The following PIEZO1 variants were observed in gnomAD, a reference collection of about 807,000 sequenced individuals.
The protein encoded by PIEZO1 is piezo-type mechanosensitive ion channel component 1.
Under a neutral mutation model 297.2 loss-of-function variants are expected in PIEZO1, and 296 were observed. The ratio of observed to expected loss-of-function variants is 1.00; its 90% CI spans 0.91 to 1.10. The LOEUF is 1.10. Ranked by LOEUF, PIEZO1 falls within the 50% of genes least tolerant of loss-of-function variation. The probability of loss-of-function intolerance (pLI) is 0.00; values close to 1 mark genes in which losing one functional copy is unlikely to be tolerated. For synonymous variants in PIEZO1, 2,427 were observed against 1,507.5 expected (o/e 1.61, Z -14.13); for missense variants, 5,018 against 3,455.5 (o/e 1.45, Z -11.34).
chr16:88,717,067 G>C lies in PIEZO1; in HGVS notation c.6616C>G (p.Gln2206Glu). 1 of 1,550,970 alleles carries C rather than the reference G, an allele frequency of 6.4e-7. No individual in the cohort carries two copies. The highest frequency in any genetic ancestry group is 8.7e-7 in the Non-Finnish European group (1 of 1,147,064). ...AGGGTGACGGTGACATCGATGGGCT[G>C]GTTGACAACCCCAACCACGGAGCGC... ...LVRSVVGVVN[Q>E]PIDVTVTLKL... Residue 2206 changes from glutamine (Q) to glutamate (E), a missense_variant, in exon 45 of 51, where the codon CAG becomes GAG. Coordinates refer to ENST00000301015, the MANE Select transcript of PIEZO1 (RefSeq NM_001142864.4).
In PIEZO1 at chr16:88,719,685, T is replaced by C. The variant is rs959284510; in HGVS notation, c.6360A>G (p.Ala2120=). Residue 2120 remains alanine, a synonymous_variant, in exon 44 of 51, where the codon GCA becomes GCG. Coordinates refer to ENST00000301015, the MANE Select transcript of PIEZO1 (RefSeq NM_001142864.4). ...RLVPFLVELR[A]VMDWVWTDTT... is the part of the protein sequence containing the mutation. Reference sequence around the variant, plus strand: ...TGTCCGTCCACACCCAGTCCATCACTGCCCGCAGCTCCACCAGGAACGGCA... The same window carrying C: ...TGTCCGTCCACACCCAGTCCATCACCGCCCGCAGCTCCACCAGGAACGGCA... 1.4e-5 allele frequency: 22 copies of C among 1,552,510 alleles called. No individual in the cohort carries two copies. The highest frequency in any genetic ancestry group is 1.9e-5 in the Admixed American group (1 of 51,314).
At chr16:88,765,100 C>G (rs1446572203) in intron 1 of PIEZO1, among the ~76,000 whole-genome samples, 1 of 152,228 alleles carries the variant, frequency 6.6e-6, no homozygotes, top group Admixed American at 6.5e-5. Flanking sequence ...TGTGATTTAC[C>G]CAGCGGCACC....
rs930392802 is a variant in PIEZO1, at chr16:88,725,152, G to A, written c.4163-72C>T. On this transcript the variant is annotated intron_variant, in intron 29 of 50. Coordinates refer to ENST00000301015, the MANE Select transcript of PIEZO1 (RefSeq NM_001142864.4). ...AGGGGTCGGGGCTGTGAGTGCTCCC[G>A]TCTTGGAGACAGGATAGGTGGAGAC... 56 of 1,080,992 alleles carry A rather than the reference G, an allele frequency of 5.2e-5. 1 individual carries two copies. The highest frequency in any genetic ancestry group is 4.3e-4 in the South Asian group (28 of 64,804). The allele number at this position is 1,080,992 out of a possible 1,614,324, so 67.0% of individuals were successfully genotyped here. A position where few individuals can be genotyped will look rare whatever the true frequency, so the allele number is the denominator to read the frequency against.
intron 1 of PIEZO1, among the ~76,000 whole-genome samples, chr16:88,755,368 C>T (rs1906602008): frequency 6.6e-6 from 1 of 152,188 alleles, no homozygotes; most frequent in South Asian, 2.1e-4. Context: ...CTGGCATTCA[C>T]GTGCAGGAAA....
chr16:88,774,951 T>C (rs577570144), intron 1 of PIEZO1, among the ~76,000 whole-genome samples: 17 of 152,162 alleles, frequency 1.1e-4, no homozygotes, highest in African/African-American at 3.6e-4. Context: ...GGCGCAAAGA[T>C]AGTGGCTATG....
At chr16:88,773,813 G>T (rs926757410) in intron 1 of PIEZO1, among the ~76,000 whole-genome samples, 2 of 152,066 alleles carry the variant, frequency 1.3e-5, no homozygotes, top group Non-Finnish European at 2.9e-5. Flanking sequence ...CTCCTGGGTG[G>T]TCTTAGGAAG....
Position 88,720,720 on chromosome 16 carries a change from C to T in PIEZO1, c.5697G>A (p.Gly1899=), listed in dbSNP as rs1245004069. ...IEAEDREEEE[G]EEEKEAPTGR... ...CCGTGGGGGCCTCTTTCTCTTCCTC[C>T]CCCTCTTCTTCCTCCCTGTCCTCAG... The change falls in exon 40 of 51, where the codon GGG becomes GGA. Residue 1899 remains glycine, a synonymous_variant. Coordinates refer to ENST00000301015, the MANE Select transcript of PIEZO1 (RefSeq NM_001142864.4). The T allele has an allele frequency of 1.3e-6, 2 of 1,527,024 alleles. No individual in the cohort carries two copies. The highest frequency in any genetic ancestry group is 1.8e-6 in the Non-Finnish European group (2 of 1,137,026). The allele number at this position is 1,527,024 out of a possible 1,614,324, so 94.6% of individuals were successfully genotyped here. A position where few individuals can be genotyped will look rare whatever the true frequency, so the allele number is the denominator to read the frequency against.
rs1443450728 is a variant in PIEZO1, at chr16:88,721,711, TGAC to T, written c.5227_5229del (p.Val1743del). On this transcript the variant is annotated inframe_deletion, in exon 38 of 51. Transcript: ENST00000301015. ...AAGAACCCAAACTGGAACAGGTACT[TGAC>T]GACCACCGCGATCTGTGGGGGAGGG... 124 of 1,544,612 alleles carry T rather than the reference TGAC, an allele frequency of 8.0e-5. No homozygotes were observed. Among genetic ancestry groups the T allele is most frequent in the African/African-American group, 1.2e-4 (9 of 72,866 alleles).
At position 88,738,055 on chromosome 16, in the gene PIEZO1, TG is replaced by T. The variant is rs1317312583; in HGVS notation, c.898del (p.His300ThrfsTer56). On this transcript the variant is annotated frameshift_variant, in exon 8 of 51. Coordinates refer to ENST00000301015, the MANE Select transcript of PIEZO1 (RefSeq NM_001142864.4). LOFTEE classifies it high-confidence loss of function. ...CAGGCCGGTGTTGAGGACCAGCGCG[TG>T]GGGGCTGGAGCAGTTGGTGGGACCC... Reference protein sequence around the residue: ...FVGPTNCSSPHALVLNTGLDW... With the variant: ...FVGPTNCSSPXALVLNTGLDW... 3.3e-6 allele frequency: 5 copies of T among 1,535,676 alleles called. No individual in the cohort carries two copies. Among genetic ancestry groups the T allele is most frequent in the Non-Finnish European group, 4.4e-6 (5 of 1,146,788 alleles).
intron 1 of PIEZO1, among the ~76,000 whole-genome samples, chr16:88,755,032 A>G (rs1444947786): frequency 6.6e-6 from 1 of 152,200 alleles, no homozygotes; most frequent in African/African-American, 2.4e-5. Context: ...GGGTGGACAC[A>G]CCTGCGGCCA....
rs145613283 is a variant in PIEZO1, at chr16:88,723,110, C to T, written c.4480G>A (p.Glu1494Lys). The T allele has an allele frequency of 1.0e-5, 16 of 1,548,502 alleles. No individual in the cohort carries two copies. The highest frequency in any genetic ancestry group is 2.4e-5 in the South Asian group (2 of 84,046). ...GCCCACGTACCTGCCGCTGCCTCCT[C>T]GGGGCCCTCTGCTGGCTCCACCTCC... ...SQEVEPAEGPEEAAAGRSHVV... is the reference protein window; with the variant it reads ...SQEVEPAEGPKEAAAGRSHVV... Residue 1494 changes from glutamate (E) to lysine (K), a missense_variant, in exon 33 of 51, where the codon GAG becomes AAG. Glu to Lys is a moderately conservative substitution (Grantham distance 56). Transcript: ENST00000301015.
chr16:88,716,815 G>A lies in PIEZO1; in HGVS notation c.6744C>T (p.Asp2248=), dbSNP rs1567657066. The A allele has an allele frequency of 1.3e-6, 2 of 1,550,062 alleles. No homozygotes were observed. The highest frequency in any genetic ancestry group is 4.9e-5 in the East Asian group (2 of 40,926). Reference sequence around the variant, plus strand: ...GGCAGAGGCCACTTACCGGCTGGGGGTCAAACTGCCGGGACAGCTCCTCAT... The same window carrying A: ...GGCAGAGGCCACTTACCGGCTGGGGATCAAACTGCCGGGACAGCTCCTCAT... ...QAYEELSRQF[D]PQPLAMQFIS... is the part of the protein sequence containing the mutation. The change falls in exon 46 of 51, where the codon GAC becomes GAT. Residue 2248 remains aspartate, a synonymous_variant. Coordinates refer to ENST00000301015, the MANE Select transcript of PIEZO1 (RefSeq NM_001142864.4).
At chr16:88,759,267 G>T (rs148394532) in intron 1 of PIEZO1, among the ~76,000 whole-genome samples, 5 of 152,342 alleles carry the variant, frequency 3.3e-5, no homozygotes, top group African/African-American at 1.2e-4. Context: ...TCCTGGCCGG[G>T]GCAGGCACCT....
At chr16:88,774,973 C>T (rs1040423429) in intron 1 of PIEZO1, among the ~76,000 whole-genome samples, 3 of 152,188 alleles carry the variant, frequency 2.0e-5, no homozygotes, top group African/African-American at 4.8e-5. Context: ...AACGACAGGG[C>T]GGTGCTGGGA....
At position 88,721,181 on chromosome 16, in the gene PIEZO1, C is replaced by T. The variant is rs1226256570; in HGVS notation, c.5653G>A (p.Gly1885Arg). 9 of 1,509,690 alleles carry T rather than the reference C, an allele frequency of 6.0e-6. No individual in the cohort carries two copies. Among genetic ancestry groups the T allele is most frequent in the Admixed American group, 2.1e-5 (1 of 47,936 alleles). The allele number at this position is 1,509,690 out of a possible 1,614,324, so 93.5% of individuals were successfully genotyped here. The change falls in exon 39 of 51, where the codon GGA becomes AGA. Residue 1885 changes from glycine (G) to arginine (R), a missense_variant. Gly to Arg is a moderately radical substitution (Grantham distance 125, BLOSUM62 -2). Transcript: ENST00000301015. The stretch of plus-strand genomic sequence containing the variant: ...GCGCTTATACCGATGGCTGCCGCTC[C>T]TTTCCGTGCTGGGCCCTCCTTCTTC... The part of the protein sequence containing the change: ...RRKKEGPARK[G>R]AAAIEAEDRE...
intron 1 of PIEZO1, among the ~76,000 whole-genome samples, chr16:88,774,101 C>A (rs1362472427): frequency 1.3e-5 from 2 of 152,238 alleles, no homozygotes; most frequent in African/African-American, 4.8e-5. Flanking sequence ...GAACCGGTCA[C>A]CAGGCAGGGC....
chr16:88,723,922 C>T lies in PIEZO1; in HGVS notation c.4284G>A (p.Glu1428=), dbSNP rs1372151973. 2 of 1,549,984 alleles carry T rather than the reference C, an allele frequency of 1.3e-6. No individual in the cohort carries two copies. The highest frequency in any genetic ancestry group is 1.7e-6 in the Non-Finnish European group (2 of 1,146,500). ...TCGGGTCTTCAGGAACAGCCTCCTC[C>T]TCTTCCTCACTGTCGGACTCAAACA... ...YFLFESDSEE[E]EEAVPEDPRP... The change falls in exon 31 of 51, where the codon GAG becomes GAA. Residue 1428 remains glutamate (E), a synonymous_variant. Transcript: ENST00000301015.
intron 1 of PIEZO1, among the ~76,000 whole-genome samples, chr16:88,755,019 A>C (rs1448352012): frequency 1.3e-5 from 2 of 152,216 alleles, no homozygotes; most frequent in African/African-American, 2.4e-5. Context: ...AGGCCTAACC[A>C]GAGGGTGGAC....
At position 88,716,580 on chromosome 16, in the gene PIEZO1, C is replaced by T. The variant is rs200555745; in HGVS notation, c.6905G>A (p.Arg2302His). 7.4e-4 allele frequency: 1,146 copies of T among 1,545,744 alleles called. 1 individual carries two copies. Among genetic ancestry groups the T allele is most frequent in the Non-Finnish European group, 9.2e-4 (1,048 of 1,144,098 alleles). Residue 2302 changes from arginine (R) to histidine (H), a missense_variant, in exon 47 of 51, where the codon CGC becomes CAC. By Grantham distance (29) the Arg-to-His change is conservative. Coordinates refer to ENST00000301015, the MANE Select transcript of PIEZO1 (RefSeq NM_001142864.4). ...LYNGTADITL[R>H]FTWNFQRDLA... The stretch of plus-strand genomic sequence containing the variant: ...GAACCTCTGGAAGTTCCAGGTGAAG[C>T]GCAGGGTGATGTCGGCCGTGCCGTT...
Sources: gnomAD v4.1 joint callset for allele counts (sites outside exome capture counted in the v4.1 genomes callset) on GRCh38, gnomAD v4.1.1 for gene constraint, MANE v1.5 for transcripts, NCBI Gene and HGNC (gene_info 2026-07-23, HGNC 2026-07-21) for gene names.